The following CECR2 variants were observed in gnomAD, a reference collection of about 807,000 sequenced individuals.
The protein encoded by CECR2 is chromatin remodeling regulator CECR2.
CECR2 carries 30 observed loss-of-function variants against 154.5 expected under a neutral mutation model. The ratio of observed to expected loss-of-function variants is 0.19; its 90% CI spans 0.15 to 0.26. The LOEUF is 0.26. Among genes scored for constraint, CECR2 ranks in the 10% least tolerant of loss-of-function variants. The pLI is 1.00. For missense variants in CECR2, 1,743 were observed against 1,829.3 expected, an observed-to-expected ratio of 0.95 and a Z score of 0.86; for synonymous variants, 725 against 683.7, an observed-to-expected ratio of 1.06 and a Z score of -0.94.
Position 17,540,435 on chromosome 22 carries a change from T to C in CECR2, c.1519T>C (p.Leu507=). Residue 507 remains leucine, a synonymous_variant, in exon 14 of 19, where the codon TTA becomes CTA. Transcript: ENST00000262608. ...SSEYTKMSDN[L]ERCFHRAMMK... ...AGAGTATACCAAGATGTCTGATAAT[T>C]TAGAGAGGTGTTTCCATCGGGCAAT... 1 of 1,559,998 alleles carries C rather than the reference T, an allele frequency of 6.4e-7. No individual in the cohort carries two copies. The highest frequency in any genetic ancestry group is 1.2e-5 in the South Asian group (1 of 80,998).
intron 1 of CECR2, among the ~76,000 whole-genome samples, chr22:17,443,943 G>T (rs55696218): frequency 6.6e-6 from 1 of 152,156 alleles, no homozygotes; most frequent in Non-Finnish European, 1.5e-5. Flanking sequence ...AGCAGAATGA[G>T]ATGACTAAAG....
chr22:17,552,774 G>GTTTTTTTTTTTT lies in CECR2; in HGVS notation c.4390-59_4390-48dup, dbSNP rs695569. The GTTTTTTTTTTTT allele has an allele frequency of 4.6e-4, 434 of 942,938 alleles. 9 individuals carry two copies. Among genetic ancestry groups the GTTTTTTTTTTTT allele is most frequent in the African/African-American group, 3.0e-3 (129 of 43,380 alleles). 58.4% of individuals were successfully genotyped at this position (942,938 alleles called of 1,614,324 possible). ...CTTGGACATTCTTTGGCTTACTTAA[G>GTTTTTTTTTTTT]TTTTTTTTTTTTTAACAACCCAATT... On this transcript the variant is annotated intron_variant, in intron 18 of 18. Coordinates refer to ENST00000262608, the MANE Select transcript of CECR2 (RefSeq NM_001290047.2).
rs912568376 is a variant in CECR2 at position 17,409,771 on chromosome 22, T to C, written c.126+39862T>C. On this transcript the variant is annotated intron_variant, in intron 1 of 18. Coordinates refer to ENST00000262608, the MANE Select transcript of CECR2 (RefSeq NM_001290047.2). Reference sequence around the variant, plus strand: ...GTTATATCAGAGCAGGGATCTTCTCTATCCTATGCATTCTTGTATTTACAG... The same window carrying C: ...GTTATATCAGAGCAGGGATCTTCTCCATCCTATGCATTCTTGTATTTACAG... Among the ~76,000 whole-genome samples the C allele has an allele frequency of 2.2e-4, 24 of 111,370 alleles. 6 individuals carry two copies. Among genetic ancestry groups the C allele is most frequent in the African/African-American group, 7.2e-4 (24 of 33,542 alleles). 73.1% of individuals were successfully genotyped at this position (111,370 alleles called of 152,430 possible).
chr22:17,380,792 A>G (rs2063178426), intron 1 of CECR2, among the ~76,000 whole-genome samples: 2 of 152,238 alleles, frequency 1.3e-5, no homozygotes, highest in Admixed American at 6.5e-5. Flanking sequence ...GAATTGAAAA[A>G]TGCTGTTCAG....
Position 17,540,580 on chromosome 22 carries a change from C to G in CECR2, c.1664C>G (p.Thr555Ser), listed in dbSNP as rs777460800. The change falls in exon 14 of 19, where the codon ACC becomes AGC. Residue 555 changes from threonine to serine, a missense_variant. Coordinates refer to ENST00000262608, the MANE Select transcript of CECR2 (RefSeq NM_001290047.2). Reference protein sequence around the residue: ...AGRSGGSHVWTRSRDPEGSSR... With the variant: ...AGRSGGSHVWSRSRDPEGSSR... ...CGAAGTGGTGGGAGCCATGTTTGGA[C>G]CCGCTCCAGGGACCCAGAAGGGTCC... The G allele has an allele frequency of 6.2e-7, 1 of 1,612,982 alleles. No individual in the cohort carries two copies. The highest frequency in any genetic ancestry group is 2.2e-5 in the East Asian group (1 of 44,846).
intron 2 of CECR2, among the ~76,000 whole-genome samples, chr22:17,481,203 C>T (rs1230629933): frequency 5.3e-5 from 8 of 150,306 alleles, no homozygotes; most frequent in South Asian, 2.1e-4. Context: ...ATTAGCCGGG[C>T]GTGGTGGTGG....
At chr22:17,541,720 C>A in intron 14 of CECR2, 119 bp from the exon 15 acceptor site, 1 of 1,259,190 alleles carries the variant, frequency 7.9e-7, no homozygotes, top group Admixed American at 2.6e-5. Context: ...TGTCTCCAGC[C>A]GAGGTTTAGT....
chr22:17,490,935 G>A (rs1333104157), intron 2 of CECR2, among the ~76,000 whole-genome samples: 1 of 152,130 alleles, frequency 6.6e-6, no homozygotes, highest in Non-Finnish European at 1.5e-5. Flanking sequence ...GTCTCCACAG[G>A]TTTGAGTGTT....
intron 1 of CECR2, among the ~76,000 whole-genome samples, chr22:17,465,631 C>T (rs529016448): frequency 1.7e-4 from 26 of 152,112 alleles, no homozygotes; most frequent in Non-Finnish European, 3.4e-4. Context: ...ATTACAGGTG[C>T]GTGCCACCAT....
chr22:17,514,974 G>T (rs2056024386), intron 8 of CECR2, among the ~76,000 whole-genome samples: 1 of 149,260 alleles, frequency 6.7e-6, no homozygotes, highest in Non-Finnish European at 1.5e-5. Flanking sequence ...AGTGAGCCAA[G>T]ATCGCACCAC....
rs2056511101 is a variant in CECR2 at position 17,540,767 on chromosome 22, G to A, written c.1851G>A (p.Gly617=). The A allele has an allele frequency of 1.3e-6, 2 of 1,594,230 alleles. No individual in the cohort carries two copies. ...TTTCTCATCCCCTGCATTGTGGTGGGACACCCAGCCAGGCACCCTTTTTAA... is the reference window on the plus strand; with the variant it reads ...TTTCTCATCCCCTGCATTGTGGTGGAACACCCAGCCAGGCACCCTTTTTAA... The part of the protein sequence containing the change: ...RGFSHPLHCG[G]TPSQAPFLNQ... Residue 617 remains glycine (G), a synonymous_variant, in exon 14 of 19, where the codon GGG becomes GGA. Coordinates refer to ENST00000262608, the MANE Select transcript of CECR2 (RefSeq NM_001290047.2).
At chr22:17,530,784 G>T (rs1255038704) in intron 9 of CECR2, among the ~76,000 whole-genome samples, 1 of 152,150 alleles carries the variant, frequency 6.6e-6, no homozygotes, top group Non-Finnish European at 1.5e-5. Flanking sequence ...AGAATGGGGT[G>T]TTATTCAGCC....
At chr22:17,527,639 C>T (rs184941696) in intron 9 of CECR2, among the ~76,000 whole-genome samples, 53 of 151,952 alleles carry the variant, frequency 3.5e-4, no homozygotes, top group East Asian at 1.4e-3. Flanking sequence ...TGGTGGCACA[C>T]GCCTGTAATC....
intron 9 of CECR2, among the ~76,000 whole-genome samples, chr22:17,527,459 AAAAAAT>A (rs1057200864): frequency 1.2e-4 from 18 of 152,046 alleles, no homozygotes; most frequent in African/African-American, 3.9e-4. Context: ...CCCTGTCTCA[AAAAAAT>A]AAAAATAAAT....
intron 2 of CECR2, among the ~76,000 whole-genome samples, chr22:17,478,556 C>T (rs903063503): frequency 1.3e-4 from 20 of 152,054 alleles, no homozygotes; most frequent in Admixed American, 4.6e-4. Context: ...GGGGTTTCAC[C>T]GTGTTAGCCA....
intron 1 of CECR2, among the ~76,000 whole-genome samples, chr22:17,401,408 A>C (rs1382673397): frequency 6.6e-6 from 1 of 152,190 alleles, no homozygotes; most frequent in Non-Finnish European, 1.5e-5. Context: ...CAAGACGAAC[A>C]TGTCCGCCAA....
intron 1 of CECR2, among the ~76,000 whole-genome samples, chr22:17,361,089 C>T (rs922326945): frequency 3.3e-5 from 5 of 151,812 alleles, no homozygotes; most frequent in African/African-American, 9.7e-5. Flanking sequence ...CTTGAGCCCA[C>T]GAGGTGGAGG....
Position 17,554,067 on chromosome 22 carries a change from A to G in CECR2, c.*1227A>G, listed in dbSNP as rs191023980. ...TGATTTAAAATAGCTATCAAGAACA[A>G]GTTCTTGGAATTATCTGTTGTATCT... On this transcript the variant is annotated 3_prime_UTR_variant, in exon 19 of 19. Transcript: ENST00000262608. The G allele has an allele frequency of 7.8e-4, 119 of 152,316 alleles. No homozygotes were observed. Among genetic ancestry groups the G allele is most frequent in the Admixed American group, 3.1e-3 (47 of 15,296 alleles). 9.4% of individuals were successfully genotyped at this position (152,316 alleles called of 1,614,324 possible). A position where few individuals can be genotyped will look rare whatever the true frequency, so the allele number is the denominator to read the frequency against.
In CECR2 at chr22:17,553,027, A is replaced by G. The variant is rs751182694; in HGVS notation, c.*187A>G. ...AAAGGACACTCCTTAGATGACTGAC[A>G]CACAGATTGCAAAGGTCCTCGGCCA... On this transcript the variant is annotated 3_prime_UTR_variant, in exon 19 of 19. Coordinates refer to ENST00000262608, the MANE Select transcript of CECR2 (RefSeq NM_001290047.2). The G allele has an allele frequency of 3.9e-5, 52 of 1,340,782 alleles. No individual in the cohort carries two copies. In the Admixed American group the frequency reaches 6.3e-4, roughly 16 times the overall value. The allele number at this position is 1,340,782 out of a possible 1,614,324, so 83.1% of individuals were successfully genotyped here. A position where few individuals can be genotyped will look rare whatever the true frequency, so the allele number is the denominator to read the frequency against.
Sources: allele counts gnomAD v4.1 joint callset (sites outside exome capture counted in the v4.1 genomes callset), GRCh38; gene constraint gnomAD v4.1.1; transcripts MANE v1.5; gene names NCBI Gene and HGNC (gene_info 2026-07-23, HGNC 2026-07-21).